Variants in RAB37 observed in about 807,000 individuals in gnomAD.
RAB37 encodes RAB37, member RAS oncogene family.
In RAB37, 29 loss-of-function variants were observed where a neutral mutation model predicts 33.1. The observed-to-expected ratio is 0.88, with a 90% CI of 0.65 to 1.20. The LOEUF is 1.20. Among genes scored for constraint, RAB37 ranks in the 50% most tolerant of loss-of-function variants. The pLI, the probability that RAB37 is intolerant of heterozygous loss-of-function variation, is 0.00. For synonymous variants in RAB37, 128 were observed against 119.5 expected (o/e 1.07, Z -0.47); for missense variants, 299 against 301.1 (o/e 0.99, Z 0.05).
chr17:74,711,110 T>C (rs2033931624), intron 1 of RAB37, among the ~76,000 whole-genome samples: 1 of 152,134 alleles, frequency 6.6e-6, no homozygotes, highest in Non-Finnish European at 1.5e-5. Flanking sequence ...CTTGGGTGTT[T>C]TAAAACGATA....
intron 1 of RAB37, among the ~76,000 whole-genome samples, chr17:74,699,526 G>A (rs1202931900): frequency 6.6e-6 from 1 of 152,142 alleles, no homozygotes; most frequent in African/African-American, 2.4e-5. Flanking sequence ...ACAGGAAGAA[G>A]ACCATGAGAC....
chr17:74,704,722 C>G (rs1296643471), intron 1 of RAB37: 1 of 1,614,170 alleles, frequency 6.2e-7, no homozygotes, highest in African/African-American at 1.3e-5. Flanking sequence ...AGTAGGTCTC[C>G]CAGCCTGATC....
chr17:74,678,007 C>T (rs973605002), intron 1 of RAB37, among the ~76,000 whole-genome samples: 3 of 152,230 alleles, frequency 2.0e-5, no homozygotes, highest in South Asian at 2.1e-4. Flanking sequence ...CAGGAAACTC[C>T]GCCTTACTGG....
chr17:74,732,761 T>A (rs1392437506), upstream of RAB37, among the ~76,000 whole-genome samples: 1 of 149,756 alleles, frequency 6.7e-6, no homozygotes, highest in Non-Finnish European at 1.5e-5. Context: ...AGGTGTGTGG[T>A]GTGATTTGAG....
At position 74,742,229 on chromosome 17, in the gene RAB37, C is replaced by A; in HGVS notation, c.205-25C>A. 6.2e-7 allele frequency: 1 copy of A among 1,611,834 alleles called. No homozygotes were observed. Among genetic ancestry groups the A allele is most frequent in the South Asian group, 1.1e-5 (1 of 90,630 alleles). ...AGGAGCCACATGACTCCTGCCCTCC[C>A]ATCCTCTGCCTTTTTCTCTTTCAGA... On this transcript the variant is annotated intron_variant, in intron 2 of 8. Transcript: ENST00000392613. This position sits in a 1 kb window ranked among gnomAD's most constrained non-coding sequence, Gnocchi z 4.0.
chr17:74,671,138 C>A lies in RAB37; in HGVS notation c.-449C>A, dbSNP rs147260346. 3 of 176,396 alleles carry A rather than the reference C, an allele frequency of 1.7e-5. No homozygotes were observed. The highest frequency in any genetic ancestry group is 7.1e-5 in the African/African-American group (3 of 42,326). The allele number at this position is 176,396 out of a possible 1,614,324, so 10.9% of individuals were successfully genotyped here. A position where few individuals can be genotyped will look rare whatever the true frequency, so the allele number is the denominator to read the frequency against. ...GCTGAGCTGCGTGGTGACGGAGATG[C>A]CCGTTCGCTCGGGATCAGGAACGGT... On this transcript the variant is annotated 5_prime_UTR_variant, in exon 1 of 8. Coordinates refer to the RAB37 transcript ENST00000340415. The surrounding 1 kb of genome is among the most constrained non-coding windows in gnomAD (Gnocchi z 5.0).
At chr17:74,739,932 G>A (rs915363280) in intron 1 of RAB37, among the ~76,000 whole-genome samples, 1 of 151,674 alleles carries the variant, frequency 6.6e-6, no homozygotes, top group Non-Finnish European at 1.5e-5. Context: ...TGAGGCGGGC[G>A]GATCACCTGA....
At chr17:74,704,774 T>C in intron 1 of RAB37, 1 of 1,614,138 alleles carries the variant, frequency 6.2e-7, no homozygotes, top group South Asian at 1.1e-5. Flanking sequence ...CTCCAAGCCA[T>C]TCACTGTTGT....
chr17:74,734,955 A>G (rs2034445623), upstream of RAB37, among the ~76,000 whole-genome samples: 1 of 119,354 alleles, frequency 8.4e-6, no homozygotes, highest in Non-Finnish European at 1.6e-5. Context: ...AAAGAGAGAA[A>G]GAAGAAAGAA....
At chr17:74,710,496 C>T (rs1012163071) in intron 1 of RAB37, among the ~76,000 whole-genome samples, 3 of 152,066 alleles carry the variant, frequency 2.0e-5, no homozygotes, top group Non-Finnish European at 2.9e-5. Flanking sequence ...TGCTCATTTA[C>T]ATTAGCAATA....
intron 1 of RAB37, among the ~76,000 whole-genome samples, chr17:74,702,424 C>G (rs1027122551): frequency 6.6e-6 from 1 of 152,152 alleles, no homozygotes. Flanking sequence ...GCCCATTCTT[C>G]CACATGGGGT....
At chr17:74,697,576 G>C (rs939281301) in intron 1 of RAB37, among the ~76,000 whole-genome samples, 1 of 152,198 alleles carries the variant, frequency 6.6e-6, no homozygotes, top group African/African-American at 2.4e-5. Context: ...GAGAAGTGTT[G>C]GAGGGAACCC....
At chr17:74,716,816 C>A (rs1052631761) in intron 1 of RAB37, among the ~76,000 whole-genome samples, 3 of 152,154 alleles carry the variant, frequency 2.0e-5, no homozygotes, top group Non-Finnish European at 4.4e-5. Flanking sequence ...GTCACCAGGG[C>A]GTCCACTCCA....
At chr17:74,712,390 T>C (rs1170273714) in intron 1 of RAB37, among the ~76,000 whole-genome samples, 1 of 152,108 alleles carries the variant, frequency 6.6e-6, no homozygotes, top group Non-Finnish European at 1.5e-5. Flanking sequence ...ACTCCCTCTC[T>C]GCCCAGCAAA....
intron 1 of RAB37, among the ~76,000 whole-genome samples, chr17:74,674,489 C>T (rs978997331): frequency 6.6e-6 from 1 of 152,004 alleles, no homozygotes; most frequent in Non-Finnish European, 1.5e-5. Flanking sequence ...ACCAGCCTGG[C>T]CAACATGGCG....
chr17:74,686,987 G>A lies in RAB37; in HGVS notation c.72+15329G>A, dbSNP rs1245175563. 3.3e-5 allele frequency among the ~76,000 whole-genome samples: 5 copies of A among 152,282 alleles called. No individual in the cohort carries two copies. The South Asian group carries it at 1.0e-3, about 32-fold the overall frequency. ...AAACCCTCTGCGTCATTGATAGAGG[G>A]CAGCATTCTGCATGTAAATGCCAAC... On this transcript the variant is annotated intron_variant, in intron 1 of 7. Coordinates refer to the RAB37 transcript ENST00000340415.
At chr17:74,700,011 G>A (rs906725504) in intron 1 of RAB37, among the ~76,000 whole-genome samples, 11 of 151,954 alleles carry the variant, frequency 7.2e-5, no homozygotes, top group East Asian at 1.9e-4. Flanking sequence ...GTGGGGTGGC[G>A]TGTGTCTGTA....
chr17:74,676,654 T>A lies in RAB37; in HGVS notation c.72+4996T>A, dbSNP rs1311150228. 2.0e-5 allele frequency among the ~76,000 whole-genome samples: 3 copies of A among 152,178 alleles called. No individual in the cohort carries two copies. Among genetic ancestry groups the A allele is most frequent in the South Asian group, 2.1e-4 (1 of 4,830 alleles). ...TCCAAAGCGTAAAGAACTAGGCTGGTCATTGTCGAGAATATAGACGCAAAT... is the reference window on the plus strand; with the variant it reads ...TCCAAAGCGTAAAGAACTAGGCTGGACATTGTCGAGAATATAGACGCAAAT... On this transcript the variant is annotated intron_variant, in intron 1 of 7. Coordinates refer to the RAB37 transcript ENST00000340415. This position sits in a 1 kb window ranked among gnomAD's most constrained non-coding sequence, Gnocchi z 4.1.
At chr17:74,710,303 A>C (rs1204588026) in intron 1 of RAB37, among the ~76,000 whole-genome samples, 1 of 152,202 alleles carries the variant, frequency 6.6e-6, no homozygotes, top group Non-Finnish European at 1.5e-5. Flanking sequence ...TAGGAAGATA[A>C]GGAAAAACAT....
Sources: gnomAD v4.1 joint callset for allele counts (sites outside exome capture counted in the v4.1 genomes callset) on GRCh38, gnomAD v4.1.1 for gene constraint, Gnocchi (gnomAD v3.1) non-coding constraint, MANE v1.5 for transcripts, NCBI Gene and HGNC (gene_info 2026-07-23, HGNC 2026-07-21) for gene names.